Variants in BCL2 observed in about 807,000 individuals in gnomAD.
BCL2 encodes the protein BCL2 apoptosis regulator.
Under a neutral mutation model 14.2 loss-of-function variants are expected in BCL2, and 1 was observed. The ratio of observed to expected loss-of-function variants is 0.07; its 90% CI spans 0.02 to 0.33. The LOEUF is 0.33. Ranked by LOEUF, BCL2 falls within the 10% of genes least tolerant of loss-of-function variation. The pLI is 0.99. For missense variants in BCL2, 247 were observed against 305.9 expected (o/e 0.81, Z 1.44); for synonymous variants, 151 against 137.2 (o/e 1.10, Z -0.70).
chr18:63,208,340 C>G (rs191261042), intron 2 of BCL2, among the ~76,000 whole-genome samples: 2 of 152,168 alleles, frequency 1.3e-5, no homozygotes, highest in Admixed American at 6.5e-5. Context: ...CTGTACCCCC[C>G]ACCCCCGCCC....
chr18:63,147,161 T>G (rs1012080434), intron 2 of BCL2, among the ~76,000 whole-genome samples: 1 of 152,154 alleles, frequency 6.6e-6, no homozygotes, highest in African/African-American at 2.4e-5. Context: ...GGGGTCTGAG[T>G]GTCGACGCAC....
At position 63,275,647 on chromosome 18, in the gene BCL2, T is replaced by G. The variant is rs1322860893; in HGVS notation, c.585+42435A>C. Among the ~76,000 whole-genome samples, 3 of 152,238 alleles carry G rather than the reference T, an allele frequency of 2.0e-5. No individual in the cohort carries two copies. In the East Asian group the frequency reaches 5.8e-4, roughly 29 times the overall value. ...ATATGTAAACTAACAGAGTAGTTATTGTTTGTAATTTCCAGTTTAGGGTTT... is the reference window on the plus strand; with the variant it reads ...ATATGTAAACTAACAGAGTAGTTATGGTTTGTAATTTCCAGTTTAGGGTTT... On this transcript the variant is annotated intron_variant, in intron 2 of 2. Transcript: ENST00000333681.
Position 63,209,657 on chromosome 18 carries a change from C to A in BCL2, c.586-80898G>T, listed in dbSNP as rs114899907. 3.6e-3 allele frequency among the ~76,000 whole-genome samples: 544 copies of A among 152,090 alleles called. 2 individuals are homozygous for A. Among genetic ancestry groups the A allele is most frequent in the Middle Eastern group, 0.01 (3 of 294 alleles). ...GGATGGAAATGGGAGACGTGTCAGG[C>A]CTGGAGATATGGGTTTTGGAACAAC... On this transcript the variant is annotated intron_variant, in intron 2 of 2. Coordinates refer to ENST00000333681, the MANE Select transcript of BCL2 (RefSeq NM_000633.3).
In BCL2 at chr18:63,256,653, C is replaced by T. The variant is rs78405287; in HGVS notation, c.585+61429G>A. Among the ~76,000 whole-genome samples, 260 of 152,266 alleles carry T rather than the reference C, an allele frequency of 1.7e-3. 1 individual carries two copies. Among genetic ancestry groups the T allele is most frequent in the Non-Finnish European group, 2.7e-3 (185 of 68,018 alleles). ...TGTTGGGCAAGAATTTGTGAGCTAG[C>T]TCAGCTTACAAATGGCTTAGACTAG... On this transcript the variant is annotated intron_variant, in intron 2 of 2. Coordinates refer to ENST00000333681, the MANE Select transcript of BCL2 (RefSeq NM_000633.3).
intron 2 of BCL2, among the ~76,000 whole-genome samples, chr18:63,161,063 A>G (rs1325315484): frequency 6.6e-6 from 1 of 152,142 alleles, no homozygotes; most frequent in Non-Finnish European, 1.5e-5. Flanking sequence ...CTTTTCCAAA[A>G]TGGTACCCTG....
chr18:63,125,084 C>T lies in BCL2; in HGVS notation c.*3541G>A, dbSNP rs1913875918. The T allele has an allele frequency of 9.0e-6, 2 of 221,348 alleles. No individual in the cohort carries two copies. Among genetic ancestry groups the T allele is most frequent in the Non-Finnish European group, 1.8e-5 (2 of 110,574 alleles). The allele number at this position is 221,348 out of a possible 1,614,324, so 13.7% of individuals were successfully genotyped here. A position where few individuals can be genotyped will look rare whatever the true frequency, so the allele number is the denominator to read the frequency against. On this transcript the variant is annotated 3_prime_UTR_variant, in exon 3 of 3. Coordinates refer to ENST00000333681, the MANE Select transcript of BCL2 (RefSeq NM_000633.3). ...GTGTTGGGATTGCCCTGATTATTTA[C>T]ATTTAATCTTGATTATTATAACTCC... is the stretch of plus-strand genomic sequence containing the variant.
intron 2 of BCL2, among the ~76,000 whole-genome samples, chr18:63,286,974 G>A (rs1179029813): frequency 6.6e-6 from 1 of 152,160 alleles, no homozygotes; most frequent in East Asian, 1.9e-4. Context: ...AAGGATACTG[G>A]CACTCATTCA....
chr18:63,255,404 T>C (rs1044409556), intron 2 of BCL2, among the ~76,000 whole-genome samples: 2 of 152,192 alleles, frequency 1.3e-5, no homozygotes, highest in Non-Finnish European at 2.9e-5. Context: ...ATCACCACCT[T>C]CATTTATCCT....
intron 2 of BCL2, among the ~76,000 whole-genome samples, chr18:63,155,160 A>G (rs1914743658): frequency 6.6e-6 from 1 of 152,170 alleles, no homozygotes; most frequent in Non-Finnish European, 1.5e-5. Flanking sequence ...CATGATGCCA[A>G]ACGTCTGGTG....
chr18:63,285,126 GA>G (rs1912433587), intron 2 of BCL2, among the ~76,000 whole-genome samples: 1 of 152,362 alleles, frequency 6.6e-6, no homozygotes, highest in African/African-American at 2.4e-5. Context: ...AAGAGACAGA[GA>G]CAGGCTCACA....
chr18:63,304,510 C>T (rs918240198), intron 2 of BCL2, among the ~76,000 whole-genome samples: 1 of 152,148 alleles, frequency 6.6e-6, no homozygotes, highest in South Asian at 2.1e-4. Flanking sequence ...AGTCAATGCT[C>T]TATGAGCAAA....
At chr18:63,237,173 T>C (rs1384299216) in intron 2 of BCL2, among the ~76,000 whole-genome samples, 2 of 151,842 alleles carry the variant, frequency 1.3e-5, no homozygotes, top group African/African-American at 2.4e-5. Context: ...CCGGGGACTG[T>C]GGTATGGAGG....
intron 2 of BCL2, among the ~76,000 whole-genome samples, chr18:63,140,818 A>C (rs1456049789): frequency 1.3e-5 from 2 of 152,202 alleles, no homozygotes; most frequent in Non-Finnish European, 2.9e-5. Context: ...TATCCCAATA[A>C]AAGAGCTTAA....
chr18:63,211,063 C>CTTTTTTTTT (rs59302545), intron 2 of BCL2, among the ~76,000 whole-genome samples: 48 of 59,132 alleles, frequency 8.1e-4, no homozygotes, highest in Non-Finnish European at 9.8e-4. Context: ...CTTTTCATTT[C>CTTTTTTTTT]TTTTTTTTTT....
intron 2 of BCL2, among the ~76,000 whole-genome samples, chr18:63,150,738 A>G (rs1234131924): frequency 6.6e-6 from 1 of 152,202 alleles, no homozygotes; most frequent in Non-Finnish European, 1.5e-5. Context: ...ATGAATTCCT[A>G]TAAGGCTGAA....
At chr18:63,305,542 G>A (rs561519870) in intron 2 of BCL2, among the ~76,000 whole-genome samples, 95 of 152,250 alleles carry the variant, frequency 6.2e-4, no homozygotes, top group African/African-American at 2.0e-3. Flanking sequence ...GATCAAATGG[G>A]CCAACAGATA....
At chr18:63,172,326 T>TG (rs1346436495) in intron 2 of BCL2, among the ~76,000 whole-genome samples, 1 of 152,260 alleles carries the variant, frequency 6.6e-6, no homozygotes, top group Non-Finnish European at 1.5e-5. Flanking sequence ...CTTATCTGTC[T>TG]GTTGAGCAAG....
chr18:63,213,428 A>C (rs1188461265), intron 2 of BCL2, among the ~76,000 whole-genome samples: 5 of 152,074 alleles, frequency 3.3e-5, no homozygotes, highest in African/African-American at 1.2e-4. Context: ...TTCATACTTT[A>C]AGAACTAGTA....
At chr18:63,142,649 C>T (rs1034526737) in intron 2 of BCL2, among the ~76,000 whole-genome samples, 2 of 152,208 alleles carry the variant, frequency 1.3e-5, no homozygotes, top group Non-Finnish European at 2.9e-5. Flanking sequence ...CTGAGAAGCC[C>T]ATGGGAGAGG....
Sources: allele counts gnomAD v4.1 joint callset (sites outside exome capture counted in the v4.1 genomes callset), GRCh38; gene constraint gnomAD v4.1.1; transcripts MANE v1.5; gene names NCBI Gene and HGNC (gene_info 2026-07-23, HGNC 2026-07-21).